Variants in GPC3 observed in about 807,000 individuals in gnomAD.
GPC3 encodes the protein glypican-3.
GPC3 carries 3 observed loss-of-function variants against 34.4 expected under a neutral mutation model. The observed-to-expected ratio is 0.09, with a 90% CI of 0.04 to 0.23. The LOEUF (loss-of-function observed/expected upper bound fraction) is 0.23, where lower values mean the gene tolerates loss of function less well. Among genes scored for constraint, GPC3 ranks in the 10% least tolerant of loss-of-function variants. The pLI, the probability that GPC3 is intolerant of heterozygous loss-of-function variation, is 1.00. For missense variants in GPC3, 351 were observed against 445.6 expected (o/e 0.79, Z 1.91); for synonymous variants, 177 against 174.0 (o/e 1.02, Z -0.13).
chrX:133,959,612 T>C (rs1421730874), intron 1 of GPC3, among the ~76,000 whole-genome samples: 1 of 112,639 alleles, frequency 8.9e-6, no homozygotes, highest in Non-Finnish European at 1.9e-5. Context: ...ACCTAACTTT[T>C]TGCCCTTATC....
At chrX:133,765,592 A>G (rs778107858) in intron 2 of GPC3, among the ~76,000 whole-genome samples, 16 of 111,767 alleles carry the variant, frequency 1.4e-4, no homozygotes, top group African/African-American at 4.5e-4. Flanking sequence ...TAATGTGTGC[A>G]TTTTACATAG....
At chrX:133,632,340 T>C (rs982215342) in intron 6 of GPC3, among the ~76,000 whole-genome samples, 3 of 111,344 alleles carry the variant, frequency 2.7e-5, no homozygotes, top group Admixed American at 9.6e-5. Flanking sequence ...CCTAATGTGA[T>C]CCTTCTGCCT....
chrX:133,695,741 T>C (rs1026956194), intron 4 of GPC3, among the ~76,000 whole-genome samples: 2 of 112,230 alleles, frequency 1.8e-5, no homozygotes, highest in Admixed American at 9.4e-5. Flanking sequence ...AAGAAATATA[T>C]GTTCACTATG....
chrX:133,827,770 G>A (rs2075755180), intron 2 of GPC3, among the ~76,000 whole-genome samples: 1 of 107,800 alleles, frequency 9.3e-6, no homozygotes, highest in Non-Finnish European at 1.9e-5. Context: ...GCAACAGAGT[G>A]AGACTCCATC....
At chrX:133,974,698 C>G (rs1003378297) in intron 1 of GPC3, among the ~76,000 whole-genome samples, 1 of 111,257 alleles carries the variant, frequency 9.0e-6, no homozygotes, top group Non-Finnish European at 1.9e-5. Context: ...GCTGATGAGT[C>G]CCAACTATGT....
At chrX:133,706,144 TATGCAAAAGATTG>T (rs1359259249) in intron 3 of GPC3, among the ~76,000 whole-genome samples, 7 of 112,321 alleles carry the variant, frequency 6.2e-5, no homozygotes, top group African/African-American at 2.3e-4. Context: ...TGGCTAGCCA[TATGCAAAAGATTG>T]AAACTGGACT....
intron 1 of GPC3, among the ~76,000 whole-genome samples, chrX:133,961,255 C>G (rs1487987891): frequency 9.0e-6 from 1 of 111,300 alleles, no homozygotes; most frequent in Non-Finnish European, 1.9e-5. Context: ...AATCAAAGAC[C>G]GTGCCTGGGG....
At chrX:133,980,378 A>C (rs1290300171) in intron 1 of GPC3, among the ~76,000 whole-genome samples, 1 of 112,266 alleles carries the variant, frequency 8.9e-6, no homozygotes, top group East Asian at 2.8e-4. Flanking sequence ...GGCTTAAGAA[A>C]GTATGTGAGA....
chrX:133,843,185 A>G (rs747801234), intron 2 of GPC3, among the ~76,000 whole-genome samples: 36 of 111,217 alleles, frequency 3.2e-4, no homozygotes, highest in Non-Finnish European at 6.2e-4. Context: ...TTGCAACCTG[A>G]TATGGTTTGG....
At chrX:133,654,919 C>T (rs754299454) in intron 6 of GPC3, among the ~76,000 whole-genome samples, 247 of 111,181 alleles carry the variant, frequency 2.2e-3, no homozygotes, top group African/African-American at 6.2e-3. Flanking sequence ...TTAAAAATAT[C>T]CTATGAAAGA....
intron 7 of GPC3, among the ~76,000 whole-genome samples, chrX:133,560,081 G>A (rs1164330096): frequency 1.8e-5 from 2 of 112,020 alleles, no homozygotes; most frequent in African/African-American, 6.5e-5. Flanking sequence ...GTGGATTGCC[G>A]TCAGTGTCCT....
At chrX:133,978,970 T>C (rs1411044017) in intron 1 of GPC3, among the ~76,000 whole-genome samples, 1 of 112,484 alleles carries the variant, frequency 8.9e-6, no homozygotes, top group Non-Finnish European at 1.9e-5. Context: ...TTGTACCTTC[T>C]CCTGGATTTA....
chrX:133,620,262 C>T (rs1475770307), intron 6 of GPC3, among the ~76,000 whole-genome samples: 2 of 107,529 alleles, frequency 1.9e-5, no homozygotes, highest in Admixed American at 1.0e-4. Context: ...ATAGGTATGA[C>T]TTGGTATCCC....
chrX:133,853,704 AC>A (rs1437084038), intron 2 of GPC3, among the ~76,000 whole-genome samples: 2 of 112,420 alleles, frequency 1.8e-5, no homozygotes, highest in African/African-American at 6.5e-5. Flanking sequence ...AAAAATGAAA[AC>A]AAATAATTGT....
chrX:133,602,103 C>A (rs926867798), intron 6 of GPC3, among the ~76,000 whole-genome samples: 2 of 111,037 alleles, frequency 1.8e-5, no homozygotes, highest in Admixed American at 1.9e-4. Context: ...ATAATGAAAT[C>A]CTGTTATTTG....
At chrX:133,629,994 T>C (rs1250685759) in intron 6 of GPC3, among the ~76,000 whole-genome samples, 4 of 109,434 alleles carry the variant, frequency 3.7e-5, no homozygotes, top group African/African-American at 1.0e-4. Flanking sequence ...GTGGAGGTTG[T>C]GGTGAGCCGA....
rs750984441 is a variant in GPC3, at chrX:133,563,291, G to A, written c.1574-26998C>T. Among the ~76,000 whole-genome samples the A allele has an allele frequency of 1.3e-3, 140 of 111,277 alleles. 1 individual carries two copies. The highest frequency in any genetic ancestry group is 3.8e-3 in the African/African-American group (116 of 30,708). On this transcript the variant is annotated intron_variant, in intron 7 of 7. Transcript: ENST00000370818. ...GCCACCCAGGCTGGAGTGTAGTGGCGTTGATCATGGCTCACTGACACCTCA... is the reference window on the plus strand; with the variant it reads ...GCCACCCAGGCTGGAGTGTAGTGGCATTGATCATGGCTCACTGACACCTCA...
At chrX:133,774,441 T>C (rs2071954971) in intron 2 of GPC3, among the ~76,000 whole-genome samples, 1 of 111,351 alleles carries the variant, frequency 9.0e-6, no homozygotes, top group Admixed American at 9.6e-5. Flanking sequence ...CAGATCCTCA[T>C]ATAATCTCCC....
intron 2 of GPC3, among the ~76,000 whole-genome samples, chrX:133,770,780 C>T (rs2071908517): frequency 8.9e-6 from 1 of 112,199 alleles, no homozygotes; most frequent in African/African-American, 3.2e-5. Flanking sequence ...CTTGTCACTA[C>T]CTCCCAATTG....
Sources: allele counts gnomAD v4.1 joint callset (sites outside exome capture counted in the v4.1 genomes callset), GRCh38; gene constraint gnomAD v4.1.1; transcripts MANE v1.5; gene names NCBI Gene and HGNC (gene_info 2026-07-23, HGNC 2026-07-21).